KMT2C: variants seen among roughly 807,000 people sequenced by gnomAD.
The protein encoded by KMT2C is lysine methyltransferase 2C, also known as histone-lysine N-methyltransferase 2C.
A neutral mutation model predicts 507.9 loss-of-function variants in KMT2C; 88 were observed. That is an observed-to-expected ratio of 0.17 (90% CI 0.15 to 0.21). The LOEUF (loss-of-function observed/expected upper bound fraction) is 0.21, where lower values mean the gene tolerates loss of function less well. Among genes scored for constraint, KMT2C ranks in the 10% least tolerant of loss-of-function variants. The pLI, the probability that KMT2C is intolerant of heterozygous loss-of-function variation, is 1.00. For missense variants in KMT2C, 4,954 were observed against 5,957.8 expected (o/e 0.83, Z 5.55); for synonymous variants, 2,049 against 2,080.8 (o/e 0.98, Z 0.42).
intron 42 of KMT2C, among the ~76,000 whole-genome samples, chr7:152,165,035 C>A (rs1056845755): frequency 2.6e-5 from 4 of 152,248 alleles, no homozygotes; most frequent in Admixed American, 6.5e-5. Flanking sequence ...TAGACTAATA[C>A]TTTCTGCAAA....
At chr7:152,355,543 G>GAAAAAACA (rs2097144701) in intron 2 of KMT2C, among the ~76,000 whole-genome samples, 1 of 150,108 alleles carries the variant, frequency 6.7e-6, no homozygotes, top group African/African-American at 2.5e-5. Flanking sequence ...GAAGGAGTAG[G>GAAAAAACA]AAAAAACAAA....
At chr7:152,256,968 T>C (rs540482689) in intron 9 of KMT2C, among the ~76,000 whole-genome samples, 1 of 152,134 alleles carries the variant, frequency 6.6e-6, no homozygotes, top group African/African-American at 2.4e-5. Flanking sequence ...AAGCTACATA[T>C]GTGTACACTC....
chr7:152,178,948 TAAAGGG>T (rs2093329337), intron 37 of KMT2C, among the ~76,000 whole-genome samples: 1 of 152,212 alleles, frequency 6.6e-6, no homozygotes, highest in Admixed American at 6.5e-5. Context: ...GGAAAGTTCC[TAAAGGG>T]AAAGTCCTTT....
At position 152,163,185 on chromosome 7, in the gene KMT2C, T is replaced by C. The variant is rs201132873; in HGVS notation, c.10392A>G (p.Gln3464=). ...GAGACTGCTGAAGGGGTCCTAGAGG[T>C]TGCATAAAATCACAAGGTAAGTCGG... ...YSSDLPCDFM[Q]PLGPLQQSPQ... Residue 3464 remains glutamine (Q), a synonymous_variant, in exon 43 of 59, where the codon CAA becomes CAG. Transcript: ENST00000262189. The C allele has an allele frequency of 2.4e-5, 38 of 1,614,074 alleles. No homozygotes were observed. The highest frequency in any genetic ancestry group is 3.2e-5 in the Non-Finnish European group (38 of 1,180,000).
At chr7:152,420,969 T>C (rs904607381) in intron 1 of KMT2C, among the ~76,000 whole-genome samples, 1 of 151,864 alleles carries the variant, frequency 6.6e-6, no homozygotes, top group Admixed American at 6.6e-5. Flanking sequence ...TGTATACATA[T>C]GTAACAAACC....
chr7:152,317,876 C>T (rs1352065210), intron 3 of KMT2C, among the ~76,000 whole-genome samples: 1 of 152,140 alleles, frequency 6.6e-6, no homozygotes, highest in African/African-American at 2.4e-5. Flanking sequence ...CATGGTGGCT[C>T]ACACCTGTAA....
chr7:152,234,347 A>G (rs1588452204), intron 16 of KMT2C, among the ~76,000 whole-genome samples: 1 of 152,080 alleles, frequency 6.6e-6, no homozygotes, highest in Non-Finnish European at 1.5e-5. Flanking sequence ...GTGCCATTGC[A>G]CTCCAGCCTA....
chr7:152,335,462 G>T (rs2096925467), intron 2 of KMT2C, among the ~76,000 whole-genome samples: 2 of 152,200 alleles, frequency 1.3e-5, no homozygotes, highest in South Asian at 4.2e-4. Context: ...GAGCCAAATG[G>T]CCCAGGGTCG....
chr7:152,142,658 A>G (rs1315653477), intron 55 of KMT2C, among the ~76,000 whole-genome samples: 1 of 152,248 alleles, frequency 6.6e-6, no homozygotes, highest in East Asian at 1.9e-4. Flanking sequence ...ACTGTTTGTT[A>G]TGAGAAAAAT....
chr7:152,387,580 C>T (rs964754448), intron 1 of KMT2C, among the ~76,000 whole-genome samples: 71 of 151,408 alleles, frequency 4.7e-4, no homozygotes, highest in African/African-American at 1.7e-3. Flanking sequence ...ACGCCATTCT[C>T]CTGCCTCAGC....
intron 6 of KMT2C, among the ~76,000 whole-genome samples, chr7:152,289,598 A>G (rs2096371610): frequency 6.6e-6 from 1 of 152,238 alleles, no homozygotes; most frequent in Admixed American, 6.5e-5. Flanking sequence ...TTCTTGAAAA[A>G]AGGAATAAAG....
chr7:152,152,798 G>A lies in KMT2C; in HGVS notation c.12433C>T (p.Arg4145Cys), dbSNP rs201100798. The A allele has an allele frequency of 1.8e-4, 290 of 1,614,026 alleles. No individual in the cohort carries two copies. Among genetic ancestry groups the A allele is most frequent in the South Asian group, 8.1e-4 (74 of 91,084 alleles). ...GLEYRQHLLL[R>C]GPPPGSANPP... Reference sequence around the variant, plus strand: ...TTTGCAGATCCTGGCGGAGGCCCACGGAGAAGTAAATGCTGTCGATACTCC... The same window carrying A: ...TTTGCAGATCCTGGCGGAGGCCCACAGAGAAGTAAATGCTGTCGATACTCC... The change falls in exon 49 of 59, where the codon CGT (arginine) becomes TGT (cysteine). Residue 4145 changes from arginine to cysteine, a missense_variant. Physicochemically the swap from Arg to Cys is radical, Grantham distance 180. Transcript: ENST00000262189.
intron 1 of KMT2C, among the ~76,000 whole-genome samples, chr7:152,418,580 T>A (rs531398664): frequency 9.2e-5 from 14 of 152,000 alleles, no homozygotes; most frequent in African/African-American, 3.1e-4. Context: ...TACAGGCGCA[T>A]GCCACCACAC....
At chr7:152,228,100 T>A (rs1281860737) in intron 18 of KMT2C, among the ~76,000 whole-genome samples, 4 of 151,510 alleles carry the variant, frequency 2.6e-5, no homozygotes, top group African/African-American at 9.8e-5. Context: ...GTGGTGTTTA[T>A]AGAGGCTACA....
At chr7:152,201,430 T>C (rs1052647667) in intron 26 of KMT2C, among the ~76,000 whole-genome samples, 2 of 151,758 alleles carry the variant, frequency 1.3e-5, no homozygotes, top group Admixed American at 6.6e-5. Flanking sequence ...TTAAAGACTC[T>C]TTTGCCAAAG....
At chr7:152,400,392 G>C (rs2097565316) in intron 1 of KMT2C, among the ~76,000 whole-genome samples, 1 of 152,180 alleles carries the variant, frequency 6.6e-6, no homozygotes, top group Non-Finnish European at 1.5e-5. Context: ...TTTGCTTATT[G>C]TAATGGAGAA....
chr7:152,381,156 C>T (rs2097370117), intron 1 of KMT2C, among the ~76,000 whole-genome samples: 1 of 152,144 alleles, frequency 6.6e-6, no homozygotes, highest in Non-Finnish European at 1.5e-5. Flanking sequence ...CAATGAAAAT[C>T]TGACTACTCA....
At chr7:152,176,000 G>A (rs1215472316) in intron 38 of KMT2C, among the ~76,000 whole-genome samples, 191 bp downstream of exon 38, 2 of 152,128 alleles carry the variant, frequency 1.3e-5, no homozygotes, top group African/African-American at 2.4e-5. Flanking sequence ...CCGAGATCGC[G>A]CCACTGCACT....
intron 3 of KMT2C, 145 bp downstream of exon 3, chr7:152,330,456 G>C (rs1490825269): frequency 2.7e-6 from 2 of 739,978 alleles, no homozygotes; most frequent in South Asian, 1.7e-5. Flanking sequence ...AAACACAGAG[G>C]TATCAGCTTC....
Sources: gnomAD v4.1 joint callset for allele counts (sites outside exome capture counted in the v4.1 genomes callset) on GRCh38, gnomAD v4.1.1 for gene constraint, MANE v1.5 for transcripts, NCBI Gene and HGNC (gene_info 2026-07-23, HGNC 2026-07-21) for gene names.